The following RIPK4 variants were observed in gnomAD, a reference collection of about 807,000 sequenced individuals.
RIPK4 encodes the protein receptor-interacting serine/threonine-protein kinase 4.
A neutral mutation model predicts 42.9 loss-of-function variants in RIPK4; 17 were observed. That is an observed-to-expected ratio of 0.40 (90% CI 0.27 to 0.59). The LOEUF (loss-of-function observed/expected upper bound fraction) is 0.59. Ranked by LOEUF, RIPK4 falls within the 20% of genes least tolerant of loss-of-function variation. RIPK4 has a pLI of 0.47. For missense variants in RIPK4, 897 were observed against 1,104.4 expected (o/e 0.81, Z 2.66); for synonymous variants, 498 against 499.1 (o/e 1.00, Z 0.03).
At chr21:41,756,319 G>A (rs1416764571) in intron 2 of RIPK4, among the ~76,000 whole-genome samples, 2 of 152,182 alleles carry the variant, frequency 1.3e-5, no homozygotes, top group Admixed American at 1.3e-4. Flanking sequence ...GCTACATGGC[G>A]TGTGGTTTTC....
At position 41,741,379 on chromosome 21, in the gene RIPK4, C is replaced by T. The variant is rs1374296743; in HGVS notation, c.1814G>A (p.Arg605Lys). Reference protein sequence around the residue: ...VSVNAQTLDGRTPLHLAAQRG... With the variant: ...VSVNAQTLDGKTPLHLAAQRG... ...CTGTGCGGCCAGGTGCAATGGCGTC[C>T]TCCCATCCAGCGTCTGGGCGTTCAC... is the stretch of plus-strand genomic sequence containing the variant. Residue 605 changes from arginine to lysine, a missense_variant, in exon 8 of 8, where the codon AGG (arginine) becomes AAG (lysine). Arg to Lys is a conservative substitution (Grantham distance 26, BLOSUM62 2). Coordinates refer to ENST00000332512, the MANE Select transcript of RIPK4 (RefSeq NM_020639.3). The T allele has an allele frequency of 6.2e-7, 1 of 1,612,430 alleles. No homozygotes were observed. Among genetic ancestry groups the T allele is most frequent in the South Asian group, 1.1e-5 (1 of 91,070 alleles).
chr21:41,739,997 T>G lies in RIPK4; in HGVS notation c.*841A>C, dbSNP rs1228797445. 1 of 152,208 alleles carries G rather than the reference T, an allele frequency of 6.6e-6. No homozygotes were observed. Among genetic ancestry groups the G allele is most frequent in the Non-Finnish European group, 1.5e-5 (1 of 68,034 alleles). The allele number at this position is 152,208 out of a possible 1,614,324, so 9.4% of individuals were successfully genotyped here. A position where few individuals can be genotyped will look rare whatever the true frequency, so the allele number is the denominator to read the frequency against. On this transcript the variant is annotated 3_prime_UTR_variant, in exon 8 of 8. Transcript: ENST00000332512. Reference sequence around the variant, plus strand: ...CCAAGACTGGTGCACTCCAGCGACCTGAGGGGGCTCGCCTCAGTCCCCAGC... The same window carrying G: ...CCAAGACTGGTGCACTCCAGCGACCGGAGGGGGCTCGCCTCAGTCCCCAGC...
intron 5 of RIPK4, chr21:41,746,199 T>G (rs955882263): frequency 3.2e-6 from 2 of 618,528 alleles, no homozygotes; most frequent in Admixed American, 4.2e-5. Context: ...TGCAGCAGTT[T>G]CCATCTCATC....
At chr21:41,766,325 A>C (rs952224858) in intron 1 of RIPK4, among the ~76,000 whole-genome samples, 2 of 152,190 alleles carry the variant, frequency 1.3e-5, no homozygotes, top group African/African-American at 4.8e-5. Flanking sequence ...GTCTTACACC[A>C]ATTTGTGTTC....
At position 41,741,092 on chromosome 21, in the gene RIPK4, G is replaced by A. The variant is rs35537517; in HGVS notation, c.2101C>T (p.Pro701Ser). 8.4e-3 allele frequency: 13,552 copies of A among 1,612,138 alleles called. 81 individuals carry two copies. Among genetic ancestry groups the A allele is most frequent in the Non-Finnish European group, 0.01 (11,987 of 1,179,836 alleles). ...AGGTGCAGCGCCGTCTGGTTCAGGG[G>A]TCCCCGGGCCAGCACATCGGCCTTC... ...EEKADVLARG[P>S]LNQTALHLAA... The change falls in exon 8 of 8, where the codon CCC becomes TCC. Residue 701 changes from proline to serine, a missense_variant. Pro to Ser is a moderately conservative substitution (Grantham distance 74). Coordinates refer to ENST00000332512, the MANE Select transcript of RIPK4 (RefSeq NM_020639.3).
rs777714390 is a variant in RIPK4 at position 41,766,848 on chromosome 21, C to T, written c.182+12G>A. The T allele has an allele frequency of 2.3e-5, 37 of 1,602,774 alleles. No homozygotes were observed. Among genetic ancestry groups the T allele is most frequent in the Non-Finnish European group, 1.5e-5 (18 of 1,175,420 alleles). ...GCCCCAGCCGCCCCAGCGCCCCGCC[C>T]GGGCCGCTCACCTGTCGTCGACGTG... On this transcript the variant is annotated intron_variant, in intron 1 of 7. Transcript: ENST00000332512.
intron 4 of RIPK4, among the ~76,000 whole-genome samples, chr21:41,747,880 A>G (rs2061176673): frequency 6.6e-6 from 1 of 152,216 alleles, no homozygotes. Flanking sequence ...TTGAATTTGA[A>G]AAATCAGACC....
chr21:41,759,064 T>C (rs955847357), intron 1 of RIPK4, among the ~76,000 whole-genome samples: 2 of 152,204 alleles, frequency 1.3e-5, no homozygotes, highest in African/African-American at 4.8e-5. Flanking sequence ...TCCTTGAGAA[T>C]GCATTCCAGG....
chr21:41,757,026 G>C (rs953007265), intron 1 of RIPK4, among the ~76,000 whole-genome samples: 8 of 152,188 alleles, frequency 5.3e-5, no homozygotes, highest in Non-Finnish European at 1.0e-4. Context: ...TGCATCACAG[G>C]GTTATCACAA....
chr21:41,746,842 C>T (rs537366804), intron 4 of RIPK4, 71 bp from the exon 5 acceptor site: 104 of 1,492,682 alleles, frequency 7.0e-5, no homozygotes, highest in East Asian at 2.6e-4. Context: ...TGGGAGGAAA[C>T]GACACACTCG....
chr21:41,761,272 TG>T (rs1251364433), intron 1 of RIPK4, among the ~76,000 whole-genome samples: 2 of 152,232 alleles, frequency 1.3e-5, no homozygotes, highest in East Asian at 1.9e-4. Flanking sequence ...TCTCCTCCTC[TG>T]GGAACACCGG....
chr21:41,740,709 T>C lies in RIPK4; in HGVS notation c.*129A>G. ...CAGCAGCCGCCTCCTGATGGCACCATGTCACCTCTGCTTGGTTAACATTTA... is the reference window on the plus strand; with the variant it reads ...CAGCAGCCGCCTCCTGATGGCACCACGTCACCTCTGCTTGGTTAACATTTA... On this transcript the variant is annotated 3_prime_UTR_variant, in exon 8 of 8. Transcript: ENST00000332512. 1 of 937,760 alleles carries C rather than the reference T, an allele frequency of 1.1e-6. No homozygotes were observed. The highest frequency in any genetic ancestry group is 1.5e-6 in the Non-Finnish European group (1 of 645,906). The allele number at this position is 937,760 out of a possible 1,614,324, so 58.1% of individuals were successfully genotyped here. A position where few individuals can be genotyped will look rare whatever the true frequency, so the allele number is the denominator to read the frequency against.
chr21:41,759,349 C>T (rs2061214026), intron 1 of RIPK4, among the ~76,000 whole-genome samples: 1 of 152,028 alleles, frequency 6.6e-6, no homozygotes. Flanking sequence ...TGCCTCAGCT[C>T]CCAAAGTGCT....
chr21:41,744,830 G>A (rs892246481), intron 6 of RIPK4, among the ~76,000 whole-genome samples: 6 of 152,326 alleles, frequency 3.9e-5, no homozygotes, highest in South Asian at 2.1e-4. Flanking sequence ...CTACAGGGAC[G>A]AGGGGTGATC....
Position 41,741,782 on chromosome 21 carries a change from C to A in RIPK4, c.1411G>T (p.Gly471Cys). 6.2e-7 allele frequency: 1 copy of A among 1,611,482 alleles called. No individual in the cohort carries two copies. The highest frequency in any genetic ancestry group is 8.5e-7 in the Non-Finnish European group (1 of 1,180,022). The change falls in exon 8 of 8, where the codon GGC becomes TGC. Residue 471 changes from glycine to cysteine, a missense_variant. Transcript: ENST00000332512. ...ACGGCCATGTGCAACGGGGTGGAGC[C>A]CCTACGGTTGCTCAGGTTGGGGTTG... ...NANPNLSNRR[G>C]STPLHMAVER...
rs770483025 is a variant in RIPK4, at chr21:41,756,490, T to C, written c.474+35A>G. 3.8e-6 allele frequency: 6 copies of C among 1,594,906 alleles called. No individual in the cohort carries two copies. In the Admixed American group the frequency reaches 1.0e-4, roughly 27 times the overall value. On this transcript the variant is annotated intron_variant, in intron 2 of 7. Coordinates refer to ENST00000332512, the MANE Select transcript of RIPK4 (RefSeq NM_020639.3). ...TGCTCCCCAAGACACAGGCCCTCCC[T>C]GCCCAGCTCTCTCGGGCACCGTGCG...
intron 1 of RIPK4, among the ~76,000 whole-genome samples, chr21:41,764,767 G>A (rs2061231192): frequency 1.3e-5 from 2 of 152,140 alleles, no homozygotes; most frequent in Admixed American, 1.3e-4. Context: ...TAACCTAAAG[G>A]AATCAGCTTC....
intron 2 of RIPK4, among the ~76,000 whole-genome samples, 182 bp downstream of exon 2, chr21:41,756,343 C>G (rs370478471): frequency 6.6e-6 from 1 of 152,216 alleles, no homozygotes; most frequent in Non-Finnish European, 1.5e-5. Flanking sequence ...CCAACCAGGA[C>G]AAGCTTAGGC....
rs1165902089 is a variant in RIPK4, at chr21:41,755,691, T to C, written c.474+834A>G. On this transcript the variant is annotated intron_variant, in intron 2 of 7. Coordinates refer to ENST00000332512, the MANE Select transcript of RIPK4 (RefSeq NM_020639.3). The surrounding 1 kb of genome is among the most constrained non-coding windows in gnomAD (Gnocchi z 4.2). ...TCCCAGGGCAGACACCAGTGTCATGTGGACCAGCCTATCACCCTGGGCCTC... is the reference window on the plus strand; with the variant it reads ...TCCCAGGGCAGACACCAGTGTCATGCGGACCAGCCTATCACCCTGGGCCTC... Among the ~76,000 whole-genome samples, 3 of 152,222 alleles carry C rather than the reference T, an allele frequency of 2.0e-5. No individual in the cohort carries two copies. Among genetic ancestry groups the C allele is most frequent in the African/African-American group, 7.2e-5 (3 of 41,456 alleles).
Sources: gnomAD v4.1 joint callset for allele counts (sites outside exome capture counted in the v4.1 genomes callset) on GRCh38, gnomAD v4.1.1 for gene constraint, Gnocchi (gnomAD v3.1) non-coding constraint, MANE v1.5 for transcripts, NCBI Gene and HGNC (gene_info 2026-07-23, HGNC 2026-07-21) for gene names.